Variants in RPL6 observed in about 807,000 individuals in gnomAD.
The protein encoded by RPL6 is large ribosomal subunit protein eL6.
Under a neutral mutation model 32.1 loss-of-function variants are expected in RPL6, and 1 was observed. The observed-to-expected ratio is 0.03, with a 90% CI of 0.01 to 0.15. RPL6 has a LOEUF of 0.15. RPL6 is among the 10% of genes least tolerant of loss of function. RPL6 has a pLI of 1.00. For missense variants in RPL6, 275 were observed against 354.6 expected, an observed-to-expected ratio of 0.78 and a Z score of 1.80; for synonymous variants, 126 against 131.6, an observed-to-expected ratio of 0.96 and a Z score of 0.29.
At chr12:112,409,364 G>T (rs978879706) in intron 1 of RPL6, 2 of 396,932 alleles carry the variant, frequency 5.0e-6, no homozygotes, top group African/African-American at 2.1e-5. Flanking sequence ...CCCAGCCCAA[G>T]AGAGTGGCGA....
upstream of RPL6, among the ~76,000 whole-genome samples, chr12:112,414,962 C>G (rs2037387403): frequency 6.6e-6 from 1 of 151,612 alleles, no homozygotes; most frequent in South Asian, 2.1e-4. Flanking sequence ...CTATATGATA[C>G]GGCTCTTAGA....
upstream of RPL6, among the ~76,000 whole-genome samples, chr12:112,413,739 A>C (rs568494877): frequency 3.9e-4 from 60 of 151,906 alleles, 1 homozygote; most frequent in South Asian, 0.012. Flanking sequence ...AAAGATGGGA[A>C]GACCGGCCGG....
chr12:112,412,031 T>C (rs2037346399), upstream of RPL6, among the ~76,000 whole-genome samples: 2 of 147,688 alleles, frequency 1.4e-5, no homozygotes, highest in Non-Finnish European at 1.5e-5. Context: ...AGGTGCCCGC[T>C]ACCACACCTG....
At chr12:112,411,015 C>A (rs2037335777), upstream of RPL6, among the ~76,000 whole-genome samples, 1 of 152,160 alleles carries the variant, frequency 6.6e-6, no homozygotes, top group Non-Finnish European at 1.5e-5. Flanking sequence ...TGCTTTATTT[C>A]ATTTAATTCT....
Position 112,405,988 on chromosome 12 carries a change from A to G in RPL6, c.579T>C (p.Phe193=), listed in dbSNP as rs1391866623. 15 of 1,614,124 alleles carry G rather than the reference A, an allele frequency of 9.3e-6. No homozygotes were observed. Among genetic ancestry groups the G allele is most frequent in the Non-Finnish European group, 1.2e-5 (14 of 1,179,998 alleles). Residue 193 remains phenylalanine, a synonymous_variant, in exon 6 of 7, where the codon TTT becomes TTC. Coordinates refer to ENST00000202773, the MANE Select transcript of RPL6 (RefSeq NM_000970.6). ...CGATTTTGGTTGAAGTGGCAATGAC[A>G]AATTTCTGGTGTGTTCTTCGTAGAG... is the stretch of plus-strand genomic sequence containing the variant. The part of the protein sequence containing the change: ...RVPLRRTHQK[F]VIATSTKIDI...
chr12:112,414,669 C>T (rs887425108), upstream of RPL6, among the ~76,000 whole-genome samples: 2 of 151,914 alleles, frequency 1.3e-5, no homozygotes, highest in Non-Finnish European at 2.9e-5. Flanking sequence ...TTTGGGAGGC[C>T]GAGTCGGGTG....
intron 3 of RPL6, chr12:112,407,810 C>T (rs1220308663): frequency 1.7e-5 from 3 of 171,538 alleles, no homozygotes; most frequent in Admixed American, 5.7e-5. Context: ...GTAGTGCAAT[C>T]TCTGCCTCCC....
rs1050212300 is a variant in RPL6, at chr12:112,417,472, T to A, written c.-229+1256A>T. On this transcript the variant is annotated intron_variant, in intron 1 of 5. Coordinates refer to the RPL6 transcript ENST00000551291. The stretch of plus-strand genomic sequence containing the variant: ...ACCAGAATACTATAGTATTCCGTAT[T>A]TTGACTGGCTTCTCTGTTTCTGGCC... Among the ~76,000 whole-genome samples the A allele has an allele frequency of 1.2e-4, 19 of 152,110 alleles. 1 individual carries two copies. The highest frequency in any genetic ancestry group is 4.6e-4 in the Admixed American group (7 of 15,260).
At chr12:112,418,793 A>AGCCCCCGCGCT (rs2037462800) in exon 1 of RPL6, 1 of 451,050 alleles carries the variant, frequency 2.2e-6, no homozygotes, top group South Asian at 2.8e-5. Flanking sequence ...GCCTCCGCGG[A>AGCCCCCGCGCT]GCCCCCGCGC....
chr12:112,415,539 CCT>C (rs1158249021), intron 1 of RPL6, among the ~76,000 whole-genome samples: 1 of 152,030 alleles, frequency 6.6e-6, no homozygotes, highest in African/African-American at 2.4e-5. Flanking sequence ...ATGGCGAAAC[CCT>C]GTCTCTACTA....
chr12:112,414,563 G>C (rs537580806), upstream of RPL6, among the ~76,000 whole-genome samples: 2 of 152,272 alleles, frequency 1.3e-5, no homozygotes, highest in South Asian at 2.1e-4. Context: ...AACAGACACA[G>C]AGGAGTCAAA....
chr12:112,406,240 A>G (rs1042620975), intron 5 of RPL6, 54 bp downstream of exon 5: 13 of 1,493,224 alleles, frequency 8.7e-6, no homozygotes, highest in African/African-American at 1.4e-5. Flanking sequence ...TGTATACTGC[A>G]AGCATTTAAA....
intron 1 of RPL6, chr12:112,418,649 T>C (rs2037459211): frequency 3.5e-6 from 1 of 286,122 alleles, no homozygotes; most frequent in Admixed American, 5.5e-5. Context: ...CGGCGATTTG[T>C]GGAACGAAAT....
chr12:112,409,427 C>T, intron 1 of RPL6, 160 bp downstream of exon 1: 1 of 398,656 alleles, frequency 2.5e-6, no homozygotes, highest in Non-Finnish European at 4.4e-6. Flanking sequence ...TGTGCCCTGC[C>T]GCAAACCCAA....
chr12:112,413,550 A>AAAT (rs1182167502), upstream of RPL6, among the ~76,000 whole-genome samples: 1 of 152,046 alleles, frequency 6.6e-6, no homozygotes. Context: ...AAAAGTAAAT[A>AAAT]AATAATAATA....
chr12:112,406,874 G>C lies in RPL6; in HGVS notation c.353C>G (p.Thr118Ser). Residue 118 changes from threonine (T) to serine (S), a missense_variant, in exon 4 of 7, where the codon ACT becomes AGT. Thr to Ser is a moderately conservative substitution (Grantham distance 58). Transcript: ENST00000202773. ...KLRKMPRYYP[T>S]EDVPRKLLSH... ...CAACAGCTTTCGAGGCACATCTTCA[G>C]TAGGATAATATCTAGGCTGTGGAGA... 1.2e-6 allele frequency: 2 copies of C among 1,614,226 alleles called. No homozygotes were observed. The highest frequency in any genetic ancestry group is 1.7e-6 in the Non-Finnish European group (2 of 1,180,040).
chr12:112,410,323 G>C (rs2037320579), upstream of RPL6: 1 of 294,702 alleles, frequency 3.4e-6, no homozygotes, highest in African/African-American at 2.2e-5. Flanking sequence ...CCCTTACCTT[G>C]GATTTAGCGG....
chr12:112,408,921 T>A (rs1417587336), intron 1 of RPL6: 3 of 442,172 alleles, frequency 6.8e-6, no homozygotes, highest in Non-Finnish European at 1.2e-5. Flanking sequence ...TGCCAAATAC[T>A]GAGCGGTCAG....
intron 3 of RPL6, chr12:112,407,547 TGTGAA>T (rs2037209234): frequency 6.5e-6 from 1 of 152,978 alleles, no homozygotes; most frequent in African/African-American, 2.4e-5. Context: ...AATCTTCAAC[TGTGAA>T]ACTGTATGGT....
Sources: allele counts gnomAD v4.1 joint callset (sites outside exome capture counted in the v4.1 genomes callset), GRCh38; gene constraint gnomAD v4.1.1; transcripts MANE v1.5; gene names NCBI Gene and HGNC (gene_info 2026-07-23, HGNC 2026-07-21).